The following RPN2 variants were observed in gnomAD, a reference collection of about 807,000 sequenced individuals.
RPN2 encodes dolichyl-diphosphooligosaccharide--protein glycosyltransferase subunit 2.
Under a neutral mutation model 71.4 loss-of-function variants are expected in RPN2, and 29 were observed. That is an observed-to-expected ratio of 0.41 (90% CI 0.30 to 0.55). The LOEUF is 0.55. Ranked by LOEUF, RPN2 falls within the 20% of genes least tolerant of loss-of-function variation. The pLI is 0.35. For missense variants in RPN2, 726 were observed against 774.1 expected, an observed-to-expected ratio of 0.94 and a Z score of 0.74; for synonymous variants, 308 against 305.0, an observed-to-expected ratio of 1.01 and a Z score of -0.10.
In RPN2 at chr20:37,207,705, A is replaced by G. The variant is rs57398082; in HGVS notation, c.867+256A>G. 5.2e-3 allele frequency among the ~76,000 whole-genome samples: 787 copies of G among 152,226 alleles called. 5 individuals are homozygous for G. Among genetic ancestry groups the G allele is most frequent in the African/African-American group, 0.018 (750 of 41,550 alleles). ...TAATTTTTGTTTCTTTTTTTGAGAC[A>G]GAGTCTTGCTCTGTCACCCAGGCTG... On this transcript the variant is annotated intron_variant, in intron 7 of 16. Coordinates refer to ENST00000237530, the MANE Select transcript of RPN2 (RefSeq NM_002951.5).
intron 8 of RPN2, among the ~76,000 whole-genome samples, chr20:37,211,447 T>A (rs2067663396): frequency 1.3e-5 from 2 of 151,048 alleles, no homozygotes; most frequent in Non-Finnish European, 3.0e-5. Flanking sequence ...GAGAACAGCC[T>A]GGCCAACATG....
At chr20:37,233,335 A>G (rs1186369899) in intron 14 of RPN2, among the ~76,000 whole-genome samples, 1 of 152,116 alleles carries the variant, frequency 6.6e-6, no homozygotes, top group East Asian at 1.9e-4. Flanking sequence ...GTACCATTTG[A>G]ATTTTTTTTT....
Position 37,204,821 on chromosome 20 carries a change from G to A in RPN2, c.610G>A (p.Gly204Arg). Reference sequence around the variant, plus strand: ...GGGCGTGTATCTCCAGTTTGAAGAAGGACTGGAAACAACAGCGTTATTTGT... The same window carrying A: ...GGGCGTGTATCTCCAGTTTGAAGAAAGACTGGAAACAACAGCGTTATTTGT... ...LGGVYLQFEE[G>R]LETTALFVAA... The change falls in exon 6 of 17, where the codon GGA (glycine) becomes AGA (arginine). Residue 204 changes from glycine (G) to arginine (R), a missense_variant. Gly to Arg is a moderately radical substitution (Grantham distance 125). Transcript: ENST00000237530. 1 of 1,614,112 alleles carries A rather than the reference G, an allele frequency of 6.2e-7. No individual in the cohort carries two copies. The highest frequency in any genetic ancestry group is 2.2e-5 in the East Asian group (1 of 44,870).
intron 1 of RPN2, among the ~76,000 whole-genome samples, chr20:37,182,246 A>G (rs560767153): frequency 6.6e-6 from 1 of 152,008 alleles, no homozygotes; most frequent in South Asian, 2.1e-4. Flanking sequence ...GGCACCCACC[A>G]TCACACCTGG....
chr20:37,232,516 C>A, intron 14 of RPN2, 125 bp downstream of exon 14: 1 of 1,157,970 alleles, frequency 8.6e-7, no homozygotes, highest in Non-Finnish European at 1.3e-6. Flanking sequence ...CAGCTGTGAC[C>A]TGAATTGATG....
chr20:37,226,532 A>G (rs903916207), intron 11 of RPN2, among the ~76,000 whole-genome samples: 1 of 152,194 alleles, frequency 6.6e-6, no homozygotes, highest in Admixed American at 6.5e-5. Context: ...GTATGTATGT[A>G]TGTATAAATA....
intron 4 of RPN2, among the ~76,000 whole-genome samples, chr20:37,202,543 C>T (rs898004360): frequency 3.9e-5 from 6 of 152,106 alleles, no homozygotes; most frequent in African/African-American, 1.2e-4. Context: ...TCTGTTTAAC[C>T]ACCAGGGGGC....
chr20:37,222,579 T>G (rs2067987062), intron 9 of RPN2, among the ~76,000 whole-genome samples: 1 of 152,218 alleles, frequency 6.6e-6, no homozygotes, highest in Non-Finnish European at 1.5e-5. Context: ...ATATGGTATT[T>G]CAGAAAACTG....
At chr20:37,217,883 G>A (rs2067854693) in intron 9 of RPN2, among the ~76,000 whole-genome samples, 1 of 151,962 alleles carries the variant, frequency 6.6e-6, no homozygotes. Flanking sequence ...ACAGGTACAC[G>A]CCACCATGCC....
At chr20:37,217,826 C>T (rs542457352) in intron 9 of RPN2, among the ~76,000 whole-genome samples, 40 of 151,740 alleles carry the variant, frequency 2.6e-4, no homozygotes, top group African/African-American at 8.7e-4. Flanking sequence ...CTCCACCTCC[C>T]GGGTTCAAGT....
intron 1 of RPN2, among the ~76,000 whole-genome samples, chr20:37,183,406 C>T (rs776932442): frequency 3.3e-5 from 5 of 152,092 alleles, no homozygotes; most frequent in Non-Finnish European, 7.4e-5. Context: ...TTAGTAGAGG[C>T]GGGGTTTCAC....
chr20:37,204,797 G>A lies in RPN2; in HGVS notation c.586G>A (p.Gly196Ser), dbSNP rs909572169. 1 of 1,614,138 alleles carries A rather than the reference G, an allele frequency of 6.2e-7. No homozygotes were observed. The highest frequency in any genetic ancestry group is 1.1e-5 in the South Asian group (1 of 91,088). Reference sequence around the variant, plus strand: ...TGTTGCTCGCCTGGATGAACTCGGGGGCGTGTATCTCCAGTTTGAAGAAGG... The same window carrying A: ...TGTTGCTCGCCTGGATGAACTCGGGAGCGTGTATCTCCAGTTTGAAGAAGG... ...DLVARLDELG[G>S]VYLQFEEGLE... is the part of the protein sequence containing the mutation. The change falls in exon 6 of 17, where the codon GGC (glycine) becomes AGC (serine). Residue 196 changes from glycine to serine, a missense_variant. Physicochemically the swap from Gly to Ser is moderately conservative, Grantham distance 56. Coordinates refer to ENST00000237530, the MANE Select transcript of RPN2 (RefSeq NM_002951.5).
At chr20:37,200,632 A>G (rs918070271) in intron 4 of RPN2, 16 of 395,194 alleles carry the variant, frequency 4.0e-5, no homozygotes, top group Non-Finnish European at 7.9e-5. Context: ...CAGGCAATTG[A>G]CATTCCCTCT....
chr20:37,240,454 T>C (rs1201656762), intron 16 of RPN2, among the ~76,000 whole-genome samples: 3 of 152,154 alleles, frequency 2.0e-5, no homozygotes, highest in African/African-American at 7.2e-5. Context: ...TATTAATGGG[T>C]TTGGAGTCTG....
chr20:37,217,519 T>C (rs2067841952), intron 9 of RPN2, among the ~76,000 whole-genome samples: 5 of 151,618 alleles, frequency 3.3e-5, no homozygotes, highest in African/African-American at 9.7e-5. Context: ...TCTTGATCTC[T>C]TGACCTTGTG....
intron 9 of RPN2, among the ~76,000 whole-genome samples, chr20:37,222,143 C>T (rs1483806184): frequency 2.6e-5 from 4 of 152,172 alleles, no homozygotes; most frequent in Non-Finnish European, 4.4e-5. Context: ...CTGAGCCTTG[C>T]GTGAGTTGTA....
intron 4 of RPN2, among the ~76,000 whole-genome samples, chr20:37,201,391 T>C (rs2268037): frequency 0.83 from 125,252 of 150,586 alleles, 53,017 homozygotes; most frequent in African/African-American, 0.96. Flanking sequence ...CGTGAGCGAT[T>C]CTCCCACCTT....
chr20:37,231,714 T>TAAAAAAAAAA (rs146042631), intron 13 of RPN2, among the ~76,000 whole-genome samples: 3 of 145,666 alleles, frequency 2.1e-5, no homozygotes, highest in African/African-American at 7.8e-5. Context: ...CCTGTCTCTT[T>TAAAAAAAAAA]AAAAAAAAGA....
intron 16 of RPN2, chr20:37,238,278 C>T: frequency 1.3e-6 from 1 of 783,232 alleles, no homozygotes; most frequent in Non-Finnish European, 2.2e-6. Flanking sequence ...CTAGAATGAA[C>T]TCTACCCTGG....
Sources: gnomAD v4.1 joint callset for allele counts (sites outside exome capture counted in the v4.1 genomes callset) on GRCh38, gnomAD v4.1.1 for gene constraint, MANE v1.5 for transcripts, NCBI Gene and HGNC (gene_info 2026-07-23, HGNC 2026-07-21) for gene names.